KDELR1: variants seen among roughly 807,000 people sequenced by gnomAD.
The protein encoded by KDELR1 is ER lumen protein-retaining receptor 1.
KDELR1 carries 16 observed loss-of-function variants against 25.5 expected under a neutral mutation model. The observed-to-expected ratio is 0.63, with a 90% CI of 0.43 to 0.95. KDELR1 has a LOEUF of 0.95. KDELR1 is among the 40% of genes least tolerant of loss of function. The probability of loss-of-function intolerance (pLI) is 0.00; values close to 1 mark genes in which losing one functional copy is unlikely to be tolerated. For synonymous variants in KDELR1, 121 were observed against 115.0 expected (o/e 1.05, Z -0.33); for missense variants, 159 against 265.2 (o/e 0.60, Z 2.78).
intron 3 of KDELR1, among the ~76,000 whole-genome samples, chr19:48,388,052 T>G (rs1755998212): frequency 6.6e-6 from 1 of 152,248 alleles, no homozygotes; most frequent in African/African-American, 2.4e-5. Flanking sequence ...GAACATTGAT[T>G]GACACAGCAC....
At chr19:48,386,910 T>C (rs1712813218) in intron 3 of KDELR1, among the ~76,000 whole-genome samples, 1 of 151,680 alleles carries the variant, frequency 6.6e-6, no homozygotes, top group South Asian at 2.1e-4. Flanking sequence ...CTCCTAAAAA[T>C]ACAAAAAAAT....
upstream of KDELR1, among the ~76,000 whole-genome samples, chr19:48,393,073 G>A (rs916926803): frequency 6.6e-6 from 1 of 152,190 alleles, no homozygotes; most frequent in Non-Finnish European, 1.5e-5. The surrounding 1 kb of genome is among the most constrained non-coding windows in gnomAD (Gnocchi z 5.6). Flanking sequence ...CTGGAAGGAC[G>A]GGGTGCCCAA....
chr19:48,388,911 G>GGAAA lies in KDELR1; in HGVS notation c.351+638_351+641dup, dbSNP rs4011556. Reference sequence around the variant, plus strand: ...AGAAAGGAAGGAAGAAAGGAAGAAAGGAAAGAAAGAAAGAAAGAAGGAAAG... The same window carrying GGAAA: ...AGAAAGGAAGGAAGAAAGGAAGAAAGGAAAGAAAGAAAGAAAGAAAGAAGGAAAG... On this transcript the variant is annotated intron_variant, in intron 3 of 4. Transcript: ENST00000330720. 9.9e-4 allele frequency among the ~76,000 whole-genome samples: 118 copies of GGAAA among 118,948 alleles called. 1 individual carries two copies. Among genetic ancestry groups the GGAAA allele is most frequent in the African/African-American group, 2.9e-3 (97 of 33,572 alleles). 78.0% of individuals were successfully genotyped at this position (118,948 alleles called of 152,430 possible). A position where few individuals can be genotyped will look rare whatever the true frequency, so the allele number is the denominator to read the frequency against.
chr19:48,393,678 AGT>A (rs1165976552), upstream of KDELR1, among the ~76,000 whole-genome samples: 1 of 151,504 alleles, frequency 6.6e-6, no homozygotes, highest in Non-Finnish European at 1.5e-5. The surrounding 1 kb of genome is among the most constrained non-coding windows in gnomAD (Gnocchi z 5.6). Flanking sequence ...ATCCCGAGTG[AGT>A]GTGTGTGTGC....
At chr19:48,391,923 C>A (rs1055928288), upstream of KDELR1, among the ~76,000 whole-genome samples, 14 of 152,116 alleles carry the variant, frequency 9.2e-5, no homozygotes, top group Non-Finnish European at 1.5e-4. Context: ...AAGAAAGATA[C>A]CCCACCTACT....
the KDELR1 span, among the ~76,000 whole-genome samples, chr19:48,396,757 G>C: frequency 6.6e-6 from 1 of 152,044 alleles, no homozygotes; most frequent in Non-Finnish European, 1.5e-5. Flanking sequence ...AGGCAGGGGA[G>C]GGGTGGTGGA....
chr19:48,386,054 T>TGGGGTTGCCCTTAGGGAAC (rs1258351626), intron 3 of KDELR1, among the ~76,000 whole-genome samples: 2 of 151,404 alleles, frequency 1.3e-5, no homozygotes, highest in Admixed American at 1.3e-4. Context: ...CTCTCACCCC[T>TGGGGTTGCCCTTAGGGAAC]GGGGTTGCCC....
Position 48,384,164 on chromosome 19 carries a change from TC to T in KDELR1, c.604+65del. On this transcript the variant is annotated intron_variant, in intron 4 of 4. Coordinates refer to ENST00000330720, the MANE Select transcript of KDELR1 (RefSeq NM_006801.3). The surrounding 1 kb of genome is among the most constrained non-coding windows in gnomAD (Gnocchi z 4.6). ...TAATACAGGGGTAAGGAGACCCCAGTCCCCAGGGAGGGCAGGAGCTGCAGAA... is the reference window on the plus strand; with the variant it reads ...TAATACAGGGGTAAGGAGACCCCAGTCCCAGGGAGGGCAGGAGCTGCAGAA... 6.3e-7 allele frequency: 1 copy of T among 1,589,612 alleles called. No homozygotes were observed. Among genetic ancestry groups the T allele is most frequent in the Non-Finnish European group, 8.6e-7 (1 of 1,163,826 alleles).
At chr19:48,391,988 C>A (rs964339517), upstream of KDELR1, among the ~76,000 whole-genome samples, 2 of 151,720 alleles carry the variant, frequency 1.3e-5, no homozygotes, top group African/African-American at 2.4e-5. Context: ...ACCCAGAAGT[C>A]TGGGTCCCCA....
the KDELR1 span, among the ~76,000 whole-genome samples, chr19:48,396,802 G>GAGGCCTGCGCTAC: frequency 6.6e-6 from 1 of 151,980 alleles, no homozygotes; most frequent in Non-Finnish European, 1.5e-5. Flanking sequence ...TGGGGTGGAC[G>GAGGCCTGCGCTAC]AGGCCTGCGC....
chr19:48,396,449 G>A (rs979125559), upstream of KDELR1, among the ~76,000 whole-genome samples: 3 of 152,030 alleles, frequency 2.0e-5, no homozygotes, highest in Non-Finnish European at 2.9e-5. Flanking sequence ...GGGTCTGGGA[G>A]AGGCAGAGGA....
Position 48,384,112 on chromosome 19 carries a change from C to A in KDELR1, c.604+118G>T. 6 of 1,315,438 alleles carry A rather than the reference C, an allele frequency of 4.6e-6. No homozygotes were observed. The highest frequency in any genetic ancestry group is 6.3e-6 in the Non-Finnish European group (6 of 955,920). 81.5% of individuals were successfully genotyped at this position (1,315,438 alleles called of 1,614,324 possible). On this transcript the variant is annotated intron_variant, in intron 4 of 4. Transcript: ENST00000330720. This position sits in a 1 kb window ranked among gnomAD's most constrained non-coding sequence, Gnocchi z 4.6. ...TGGTAGGCCTGCCACCCCAGAAACC[C>A]GGCGAAGAAATGCTCCCTTCTTTGC... is the stretch of plus-strand genomic sequence containing the variant.
Position 48,389,788 on chromosome 19 carries a change from C to A in KDELR1, c.193-77G>T. ...GTAGGCTCAGAGCCCGGAGTCCAGG[C>A]CCCTCCCTCAGACGCAGGAGTCCAG... is the stretch of plus-strand genomic sequence containing the variant. On this transcript the variant is annotated intron_variant, in intron 2 of 4. Transcript: ENST00000330720. The A allele has an allele frequency of 2.6e-6, 4 of 1,526,454 alleles. No homozygotes were observed. In the South Asian group the frequency reaches 4.6e-5, roughly 17 times the overall value. The allele number at this position is 1,526,454 out of a possible 1,614,324, so 94.6% of individuals were successfully genotyped here.
chr19:48,384,297 G>T lies in KDELR1; in HGVS notation c.537C>A (p.Ile179=), dbSNP rs768587920. 7 of 1,614,224 alleles carry T rather than the reference G, an allele frequency of 4.3e-6. No homozygotes were observed. In the South Asian group the frequency reaches 7.7e-5, roughly 18 times the overall value. The stretch of plus-strand genomic sequence containing the variant: ...TCTGGACCAGGCCTGCCACAATGGC[G>T]ATGAGGTCGAAGAAGCCCTCGAAAT... ...RYHFEGFFDL[I]AIVAGLVQTV... is the part of the protein sequence containing the mutation. Residue 179 remains isoleucine (I), a synonymous_variant, in exon 4 of 5, where the codon ATC becomes ATA. Coordinates refer to ENST00000330720, the MANE Select transcript of KDELR1 (RefSeq NM_006801.3). This position sits in a 1 kb window ranked among gnomAD's most constrained non-coding sequence, Gnocchi z 4.6.
Position 48,384,534 on chromosome 19 carries a change from A to G in KDELR1, c.352-52T>C. ...GGTGGGAGGGGACAGGGCGGGAGAA[A>G]AGGCAGAGGACAACATTGCAGTTAC... On this transcript the variant is annotated intron_variant, in intron 3 of 4. Transcript: ENST00000330720. The surrounding 1 kb of genome is among the most constrained non-coding windows in gnomAD (Gnocchi z 4.6). 3 of 1,577,200 alleles carry G rather than the reference A, an allele frequency of 1.9e-6. No individual in the cohort carries two copies. The South Asian group carries it at 3.4e-5, about 18-fold the overall frequency.
chr19:48,390,849 G>A (rs1005917814), intron 1 of KDELR1: 1 of 421,308 alleles, frequency 2.4e-6, no homozygotes, highest in Non-Finnish European at 4.4e-6. Flanking sequence ...GGGTCCTCCC[G>A]CAGTCTGGAC....
chr19:48,387,971 G>A (rs1459803138), intron 3 of KDELR1: 1 of 152,170 alleles, frequency 6.6e-6, no homozygotes, highest in Non-Finnish European at 1.5e-5. Context: ...AAACACCATG[G>A]AATAAAAATC....
chr19:48,394,202 T>C (rs1356022894), upstream of KDELR1, among the ~76,000 whole-genome samples: 1 of 151,612 alleles, frequency 6.6e-6, no homozygotes, highest in African/African-American at 2.4e-5. The surrounding 1 kb of genome is among the most constrained non-coding windows in gnomAD (Gnocchi z 5.1). Context: ...TGTCTGTGTG[T>C]GTGTCCCTCC....
chr19:48,395,127 T>C (rs1970622277), upstream of KDELR1, among the ~76,000 whole-genome samples: 1 of 151,770 alleles, frequency 6.6e-6, no homozygotes, highest in Non-Finnish European at 1.5e-5. Flanking sequence ...TCTGAGCCCC[T>C]TTTTCCTGAG....
Sources: gnomAD v4.1 joint callset for allele counts (sites outside exome capture counted in the v4.1 genomes callset) on GRCh38, gnomAD v4.1.1 for gene constraint, Gnocchi (gnomAD v3.1) non-coding constraint, MANE v1.5 for transcripts, NCBI Gene and HGNC (gene_info 2026-07-23, HGNC 2026-07-21) for gene names.